Variants in NFAT5 observed in about 807,000 individuals in gnomAD.
The protein encoded by NFAT5 is nuclear factor of activated T cells 5.
A neutral mutation model predicts 166.5 loss-of-function variants in NFAT5; 31 were observed. That is an observed-to-expected ratio of 0.19 (90% CI 0.14 to 0.25). The LOEUF (loss-of-function observed/expected upper bound fraction) is 0.25. Ranked by LOEUF, NFAT5 falls within the 10% of genes least tolerant of loss-of-function variation. The pLI, the probability that NFAT5 is intolerant of heterozygous loss-of-function variation, is 1.00. For missense variants in NFAT5, 1,449 were observed against 1,821.8 expected, an observed-to-expected ratio of 0.80 and a Z score of 3.72; for synonymous variants, 612 against 639.7, an observed-to-expected ratio of 0.96 and a Z score of 0.65.
chr16:69,632,103 GT>G (rs919009412), intron 3 of NFAT5: 1 of 152,074 alleles, frequency 6.6e-6, no homozygotes, highest in African/African-American at 2.4e-5. Context: ...AATCAAATAA[GT>G]GCTATATTCT....
At chr16:69,682,456 A>C (rs2037110279) in intron 10 of NFAT5, among the ~76,000 whole-genome samples, 1 of 149,492 alleles carries the variant, frequency 6.7e-6, no homozygotes, top group African/African-American at 2.4e-5. Context: ...CATCCCTACA[A>C]AGAAAAAATA....
intron 5 of NFAT5, 115 bp from the exon 6 acceptor site, chr16:69,655,493 AT>A: frequency 3.9e-6 from 3 of 779,192 alleles, no homozygotes; most frequent in Admixed American, 3.8e-5. Flanking sequence ...GAAGATTTAA[AT>A]TTTTTTAAAT....
At chr16:69,624,978 C>T (rs960564113) in intron 2 of NFAT5, among the ~76,000 whole-genome samples, 8 of 151,880 alleles carry the variant, frequency 5.3e-5, no homozygotes, top group African/African-American at 1.9e-4. Context: ...TGGCTCACTG[C>T]AGCCTCCATC....
At chr16:69,603,774 T>A (rs971419773) in intron 2 of NFAT5, among the ~76,000 whole-genome samples, 1 of 152,140 alleles carries the variant, frequency 6.6e-6, no homozygotes, top group Non-Finnish European at 1.5e-5. Flanking sequence ...AACATATTTC[T>A]GTATTAAGGT....
At chr16:69,574,698 G>A (rs2016639068) in intron 2 of NFAT5, among the ~76,000 whole-genome samples, 4 of 148,934 alleles carry the variant, frequency 2.7e-5, no homozygotes, top group Middle Eastern at 3.5e-3. Context: ...AAACGGAGTC[G>A]TGCTCTGTCA....
chr16:69,670,317 G>A, intron 9 of NFAT5, 29 bp downstream of exon 9: 1 of 1,404,836 alleles, frequency 7.1e-7, no homozygotes. Context: ...TTATAATTTG[G>A]TTATTTACTC....
At chr16:69,572,052 G>A (rs1414633043) in intron 2 of NFAT5, among the ~76,000 whole-genome samples, 2 of 152,002 alleles carry the variant, frequency 1.3e-5, no homozygotes, top group South Asian at 4.1e-4. Flanking sequence ...GTGAGCCACC[G>A]CACCTGGCCT....
In NFAT5 at chr16:69,691,958, T is replaced by A. The variant is rs1261244776; in HGVS notation, c.2133T>A (p.Ser711=). The A allele has an allele frequency of 6.2e-7, 1 of 1,614,066 alleles. No homozygotes were observed. Among genetic ancestry groups the A allele is most frequent in the African/African-American group, 1.3e-5 (1 of 74,928 alleles). ...ISQPGTFPAV[S]ASSQLPNSDA... is the part of the protein sequence containing the mutation. The stretch of plus-strand genomic sequence containing the variant: ...AGCCTGGTACTTTTCCAGCAGTTTC[T>A]GCTTCTAGTCAGCTGCCCAACAGCG... The change falls in exon 13 of 15, where the codon TCT becomes TCA. Residue 711 remains serine, a synonymous_variant. Coordinates refer to ENST00000349945, the MANE Select transcript of NFAT5 (RefSeq NM_138713.4).
chr16:69,566,464 G>T lies in NFAT5; in HGVS notation c.73+90G>T, dbSNP rs1357290293. On this transcript the variant is annotated intron_variant, in intron 1 of 14. Coordinates refer to ENST00000349945, the MANE Select transcript of NFAT5 (RefSeq NM_138713.4). This position sits in a 1 kb window ranked among gnomAD's most constrained non-coding sequence, Gnocchi z 5.7. ...AGGGGAGGCGAGGGGTCCCCGTCCCGCCGGGGGCGGCTGAGCCGCGACCCC... is the reference window on the plus strand; with the variant it reads ...AGGGGAGGCGAGGGGTCCCCGTCCCTCCGGGGGCGGCTGAGCCGCGACCCC... 3 of 1,138,950 alleles carry T rather than the reference G, an allele frequency of 2.6e-6. No homozygotes were observed. The highest frequency in any genetic ancestry group is 1.3e-5 in the South Asian group (1 of 75,678). 70.6% of individuals were successfully genotyped at this position (1,138,950 alleles called of 1,614,324 possible). A position where few individuals can be genotyped will look rare whatever the true frequency, so the allele number is the denominator to read the frequency against.
chr16:69,609,847 AAG>A (rs1377127907), intron 2 of NFAT5, among the ~76,000 whole-genome samples: 1 of 151,642 alleles, frequency 6.6e-6, no homozygotes. Flanking sequence ...AAAAAGAAAA[AAG>A]AAAATATTAG....
chr16:69,612,743 A>G (rs1468548636), intron 2 of NFAT5, among the ~76,000 whole-genome samples: 1 of 151,840 alleles, frequency 6.6e-6, no homozygotes, highest in Non-Finnish European at 1.5e-5. Context: ...GCATAGTGGC[A>G]CACACCTGTG....
intron 11 of NFAT5, among the ~76,000 whole-genome samples, chr16:69,686,642 T>C (rs2037318094): frequency 6.6e-6 from 1 of 152,048 alleles, no homozygotes. Context: ...GGTGATTGGA[T>C]CACCTGAGGT....
At chr16:69,594,192 T>A (rs191195939) in intron 2 of NFAT5, among the ~76,000 whole-genome samples, 56 of 152,352 alleles carry the variant, frequency 3.7e-4, no homozygotes, top group Admixed American at 3.7e-3. Context: ...TCATAGGGTG[T>A]ACTTACACAA....
intron 2 of NFAT5, among the ~76,000 whole-genome samples, chr16:69,620,854 T>C (rs943797728): frequency 7.9e-5 from 12 of 152,236 alleles, no homozygotes; most frequent in African/African-American, 2.9e-4. Flanking sequence ...TGACATAAGA[T>C]TTAATCCCTT....
Position 69,641,569 on chromosome 16 carries a change from A to G in NFAT5, c.254-5459A>G, listed in dbSNP as rs78450464. On this transcript the variant is annotated intron_variant, in intron 3 of 14. Coordinates refer to ENST00000349945, the MANE Select transcript of NFAT5 (RefSeq NM_138713.4). Reference sequence around the variant, plus strand: ...CATATATTTTAAAGCAGTGAAAGGTATTTCTTTCTTTTGAGGACTTCAGCA... The same window carrying G: ...CATATATTTTAAAGCAGTGAAAGGTGTTTCTTTCTTTTGAGGACTTCAGCA... Among the ~76,000 whole-genome samples, 157 of 152,236 alleles carry G rather than the reference A, an allele frequency of 1.0e-3. No individual in the cohort carries two copies. In the East Asian group the frequency reaches 0.029, roughly 29 times the overall value.
At chr16:69,570,386 G>A (rs1245959123) in intron 2 of NFAT5, among the ~76,000 whole-genome samples, 2 of 151,958 alleles carry the variant, frequency 1.3e-5, no homozygotes, top group African/African-American at 2.4e-5. Flanking sequence ...ATACATAAAA[G>A]TAGAGAGAAT....
At chr16:69,649,222 A>G in intron 4 of NFAT5, 1 of 959,448 alleles carries the variant, frequency 1.0e-6, no homozygotes, top group Non-Finnish European at 1.2e-6. Context: ...TCTCATGAAT[A>G]TCATTTAATT....
At position 69,702,907 on chromosome 16, in the gene NFAT5, T is replaced by G. The variant is rs2037922775; in HGVS notation, c.*6556T>G. 1 of 152,664 alleles carries G rather than the reference T, an allele frequency of 6.6e-6. No individual in the cohort carries two copies. Among genetic ancestry groups the G allele is most frequent in the South Asian group, 2.1e-4 (1 of 4,832 alleles). The allele number at this position is 152,664 out of a possible 1,614,324, so 9.5% of individuals were successfully genotyped here. A position where few individuals can be genotyped will look rare whatever the true frequency, so the allele number is the denominator to read the frequency against. ...CACAATTAGTCTAATTCTTGATAAT[T>G]CAGTTAATTTAGTTTGGCATTTTCC... On this transcript the variant is annotated 3_prime_UTR_variant, in exon 15 of 15. Transcript: ENST00000349945.
At chr16:69,678,246 G>C (rs951121995) in intron 10 of NFAT5, among the ~76,000 whole-genome samples, 1 of 150,968 alleles carries the variant, frequency 6.6e-6, no homozygotes, top group Admixed American at 6.6e-5. Flanking sequence ...ACGGAGTCTC[G>C]CTGTGTCGCC....
Sources: gnomAD v4.1 joint callset for allele counts (sites outside exome capture counted in the v4.1 genomes callset) on GRCh38, gnomAD v4.1.1 for gene constraint, Gnocchi (gnomAD v3.1) non-coding constraint, MANE v1.5 for transcripts, NCBI Gene and HGNC (gene_info 2026-07-23, HGNC 2026-07-21) for gene names.